MGA: variants seen among roughly 807,000 people sequenced by gnomAD.
MGA encodes MAX dimerization protein MGA.
MGA carries 40 observed loss-of-function variants against 261.1 expected under a neutral mutation model. That is an observed-to-expected ratio of 0.15 (90% CI 0.12 to 0.20). MGA has a LOEUF of 0.20. Ranked by LOEUF, MGA falls within the 10% of genes least tolerant of loss-of-function variation. The probability of loss-of-function intolerance (pLI) is 1.00; values close to 1 mark genes in which losing one functional copy is unlikely to be tolerated. For missense variants in MGA, 3,397 were observed against 3,630.5 expected, an observed-to-expected ratio of 0.94 and a Z score of 1.65; for synonymous variants, 1,302 against 1,290.6, an observed-to-expected ratio of 1.01 and a Z score of -0.19.
chr15:41,647,861 T>C lies in MGA; in HGVS notation c.-67-20967T>C, dbSNP rs531807002. ...ATAATCTGATTAAGGTATATCTTTCTCCCCAGAAAAGTACATCGCATACTA... is the reference window on the plus strand; with the variant it reads ...ATAATCTGATTAAGGTATATCTTTCCCCCCAGAAAAGTACATCGCATACTA... On this transcript the variant is annotated intron_variant, in intron 1 of 8. Coordinates refer to the MGA transcript ENST00000566718. Among the ~76,000 whole-genome samples the C allele has an allele frequency of 3.9e-5, 6 of 152,282 alleles. No individual in the cohort carries two copies. The East Asian group carries it at 9.6e-4, about 24-fold the overall frequency.
chr15:41,720,119 G>T (rs1266384011), intron 9 of MGA, among the ~76,000 whole-genome samples: 1 of 152,186 alleles, frequency 6.6e-6, no homozygotes, highest in South Asian at 2.1e-4. Flanking sequence ...AAATAACCAG[G>T]TCAATCTTGA....
intron 9 of MGA, among the ~76,000 whole-genome samples, chr15:41,722,084 T>C (rs975385095): frequency 6.6e-6 from 1 of 151,854 alleles, no homozygotes; most frequent in Non-Finnish European, 1.5e-5. Flanking sequence ...AAAGAATGTA[T>C]CTTTGATTCC....
In MGA at chr15:41,753,471, C is replaced by A. The variant is rs932750157; in HGVS notation, c.7009-966C>A. On this transcript the variant is annotated intron_variant, in intron 17 of 23. Transcript: ENST00000219905. ...AAGATCTGCTTATCCTATATATCCA[C>A]ATAACTCTAGTGTTACATAAAATAT... Among the ~76,000 whole-genome samples, 5 of 151,828 alleles carry A rather than the reference C, an allele frequency of 3.3e-5. No individual in the cohort carries two copies. In the East Asian group the frequency reaches 9.7e-4, roughly 29 times the overall value.
chr15:41,767,054 C>G lies in MGA; in HGVS notation c.8972C>G (p.Pro2991Arg). Residue 2991 changes from proline to arginine, a missense_variant, in exon 24 of 24, where the codon CCT becomes CGT. Coordinates refer to ENST00000219905, the MANE Select transcript of MGA (RefSeq NM_001164273.2). ...TGGAGGCCTATGCCAAAGTTGGCCC[C>G]TCTAGGTTTAAAAGTAGCTAATCCT... 6.2e-7 allele frequency: 1 copy of G among 1,614,016 alleles called. No individual in the cohort carries two copies. Among genetic ancestry groups the G allele is most frequent in the South Asian group, 1.1e-5 (1 of 91,080 alleles).
intron 14 of MGA, 78 bp downstream of exon 14, chr15:41,740,281 A>G (rs2062017459): frequency 3.5e-6 from 5 of 1,411,972 alleles, no homozygotes; most frequent in Admixed American, 4.4e-5. Context: ...TGGAGGTTGT[A>G]AAAATTAGAG....
rs371527795 is a variant in MGA at position 41,736,445 on chromosome 15, G to A, written c.4181G>A (p.Arg1394His). 6.2e-5 allele frequency: 100 copies of A among 1,614,000 alleles called. No individual in the cohort carries two copies. Among genetic ancestry groups the A allele is most frequent in the African/African-American group, 2.1e-4 (16 of 75,050 alleles). ...AAGAACCCTCCTGTTTATTCTTCTC[G>A]TGTGAAAATCTCTATGCCATCATGT... Residue 1394 changes from arginine to histidine, a missense_variant, in exon 13 of 24, where the codon CGT becomes CAT. By Grantham distance (29) the Arg-to-His change is conservative. Transcript: ENST00000219905.
At position 41,767,475 on chromosome 15, in the gene MGA, A is replaced by G. The variant is rs1220272411; in HGVS notation, c.*195A>G. 1.6e-6 allele frequency: 1 copy of G among 618,620 alleles called. No individual in the cohort carries two copies. Among genetic ancestry groups the G allele is most frequent in the Non-Finnish European group, 2.8e-6 (1 of 358,362 alleles). 38.3% of individuals were successfully genotyped at this position (618,620 alleles called of 1,614,324 possible). ...ACTCTGAAATTCTGATCATGTTAAA[A>G]TGTGTTACCTCACTTGTGGTGCTGG... On this transcript the variant is annotated 3_prime_UTR_variant, in exon 24 of 24. Coordinates refer to ENST00000219905, the MANE Select transcript of MGA (RefSeq NM_001164273.2).
chr15:41,734,775 A>T (rs945391654), intron 12 of MGA, among the ~76,000 whole-genome samples, 181 bp downstream of exon 12: 3 of 152,028 alleles, frequency 2.0e-5, no homozygotes, highest in African/African-American at 7.3e-5. Flanking sequence ...GTCTGTTAAC[A>T]CTCCTGCTCT....
In MGA at chr15:41,641,429, A is replaced by G. The variant is rs189229183; in HGVS notation, c.-68+20131A>G. Among the ~76,000 whole-genome samples, 24 of 151,068 alleles carry G rather than the reference A, an allele frequency of 1.6e-4. No individual in the cohort carries two copies. The East Asian group carries it at 2.9e-3, about 18-fold the overall frequency. On this transcript the variant is annotated intron_variant, in intron 1 of 8. Coordinates refer to the MGA transcript ENST00000566718. ...TGCCAGTGTTCTCCAGAGTACCTAT[A>G]CTATTTTATATTTTCACCAACAGAA... is the stretch of plus-strand genomic sequence containing the variant.
At chr15:41,641,032 A>C (rs2056810483) in intron 1 of MGA, among the ~76,000 whole-genome samples, 1 of 152,160 alleles carries the variant, frequency 6.6e-6, no homozygotes, top group Non-Finnish European at 1.5e-5. Context: ...CTATCAGTCT[A>C]CTTTCTATCT....
chr15:41,713,377 C>T lies in MGA; in HGVS notation c.3311C>T (p.Ala1104Val), dbSNP rs763628985. ...ACTAAGCATTTTCAGAGGAAGGCTG[C>T]TCATCGAGATCCAGTATTTTATGAT... Residue 1104 changes from alanine to valine, a missense_variant, in exon 9 of 24, where the codon GCT becomes GTT. Coordinates refer to ENST00000219905, the MANE Select transcript of MGA (RefSeq NM_001164273.2). 1 of 1,611,608 alleles carries T rather than the reference C, an allele frequency of 6.2e-7. No homozygotes were observed. Among genetic ancestry groups the T allele is most frequent in the Non-Finnish European group, 8.5e-7 (1 of 1,178,814 alleles).
chr15:41,673,606 G>A (rs1295587571), intron 2 of MGA, among the ~76,000 whole-genome samples: 3 of 140,576 alleles, frequency 2.1e-5, no homozygotes, highest in East Asian at 2.1e-4. Flanking sequence ...GCAGTGGTAC[G>A]ATCTCGGTTC....
chr15:41,723,420 A>T (rs2061056200), intron 9 of MGA, among the ~76,000 whole-genome samples: 1 of 151,976 alleles, frequency 6.6e-6, no homozygotes. Context: ...TTATTTATTT[A>T]CATATATTTT....
intron 18 of MGA, 128 bp downstream of exon 18, chr15:41,754,695 G>T: frequency 9.4e-7 from 1 of 1,067,174 alleles, no homozygotes; most frequent in Non-Finnish European, 1.3e-6. Context: ...TTTCTGATTA[G>T]TATAGATGAG....
chr15:41,765,049 T>C lies in MGA; in HGVS notation c.7908T>C (p.Ala2636=). ...TTAAGCCTCAAGTTGCCGGTAGTGC[T>C]GTGGCTCTACCAGGTATGTTGTAAG... The change falls in exon 23 of 24, where the codon GCT becomes GCC. Residue 2636 remains alanine, a synonymous_variant. Coordinates refer to ENST00000219905, the MANE Select transcript of MGA (RefSeq NM_001164273.2). 1.2e-6 allele frequency: 2 copies of C among 1,613,912 alleles called. No homozygotes were observed.
At chr15:41,701,554 T>G (rs1334751710) in intron 5 of MGA, among the ~76,000 whole-genome samples, 1 of 152,126 alleles carries the variant, frequency 6.6e-6, no homozygotes, top group African/African-American at 2.4e-5. Context: ...TAGCCTGAAT[T>G]TGGGGGGTAG....
chr15:41,670,795 C>T (rs1323111192), intron 2 of MGA, among the ~76,000 whole-genome samples: 4 of 152,150 alleles, frequency 2.6e-5, no homozygotes, highest in African/African-American at 7.2e-5. Flanking sequence ...CGTGAGCCAC[C>T]GTGCCCGGCC....
chr15:41,650,950 G>A (rs1006358098), intron 1 of MGA, among the ~76,000 whole-genome samples: 1 of 152,134 alleles, frequency 6.6e-6, no homozygotes, highest in African/African-American at 2.4e-5. Flanking sequence ...ACCACAGAGT[G>A]GGTAGTTTAT....
rs774918322 is a variant in MGA, at chr15:41,669,972, T to C, written c.1064+14T>C. On this transcript the variant is annotated intron_variant, in intron 2 of 23. Coordinates refer to ENST00000219905, the MANE Select transcript of MGA (RefSeq NM_001164273.2). ...GATTTCTGAATGGTAAGTAGTAGTT[T>C]TTCTGTTCTTAGAAATAAAAGGAAG... The C allele has an allele frequency of 1.9e-6, 3 of 1,587,678 alleles. No homozygotes were observed. The highest frequency in any genetic ancestry group is 2.6e-6 in the Non-Finnish European group (3 of 1,162,990).
Sources: allele counts gnomAD v4.1 joint callset (sites outside exome capture counted in the v4.1 genomes callset), GRCh38; gene constraint gnomAD v4.1.1; transcripts MANE v1.5; gene names NCBI Gene and HGNC (gene_info 2026-07-23, HGNC 2026-07-21).